The following MYB variants were observed in gnomAD, a reference collection of about 807,000 sequenced individuals.
The protein encoded by MYB is MYB proto-oncogene, transcription factor.
A neutral mutation model predicts 92.9 loss-of-function variants in MYB; 28 were observed. That is an observed-to-expected ratio of 0.30 (90% CI 0.22 to 0.41). The LOEUF is 0.41. MYB is among the 10% of genes least tolerant of loss of function. MYB has a pLI of 1.00. For missense variants in MYB, 679 were observed against 929.3 expected (o/e 0.73, Z 3.50); for synonymous variants, 295 against 329.1 (o/e 0.90, Z 1.12).
chr6:135,196,019 AG>A lies in MYB; in HGVS notation c.1203+20del. 1 of 1,607,600 alleles carries A rather than the reference AG, an allele frequency of 6.2e-7. No homozygotes were observed. Among genetic ancestry groups the A allele is most frequent in the Non-Finnish European group, 8.5e-7 (1 of 1,174,892 alleles). On this transcript the variant is annotated intron_variant, in intron 9 of 15. Transcript: ENST00000341911. ...ATAGATTCTGTAAGTAGAATTGTGA[AG>A]GGAAGTTAACGATTCTGGAAGATAA...
rs1344630326 is a variant in MYB at position 135,219,155 on chromosome 6, G to A, written c.*1175G>A. Reference sequence around the variant, plus strand: ...TACTGCCTTGTAGCAAAATAAAGATGTGCCCTTATTTTACCTACTTTTGTT... The same window carrying A: ...TACTGCCTTGTAGCAAAATAAAGATATGCCCTTATTTTACCTACTTTTGTT... On this transcript the variant is annotated 3_prime_UTR_variant, in exon 16 of 16. Transcript: ENST00000341911. The A allele has an allele frequency of 1.9e-5, 4 of 213,834 alleles. No individual in the cohort carries two copies. The highest frequency in any genetic ancestry group is 3.8e-5 in the Non-Finnish European group (4 of 105,392). The allele number at this position is 213,834 out of a possible 1,614,324, so 13.2% of individuals were successfully genotyped here.
chr6:135,192,695 T>C, intron 6 of MYB, 137 bp downstream of exon 6: 1 of 764,656 alleles, frequency 1.3e-6, no homozygotes, highest in Non-Finnish European at 2.2e-6. Flanking sequence ...CTATGCCCTT[T>C]GAAGTAGATA....
Position 135,196,961 on chromosome 6 carries a change from G to T in MYB, c.1204G>T (p.Asp402Tyr), listed in dbSNP as rs755466943. 2 of 1,611,008 alleles carry T rather than the reference G, an allele frequency of 1.2e-6. No individual in the cohort carries two copies. The highest frequency in any genetic ancestry group is 2.2e-5 in the South Asian group (2 of 90,722). Residue 402 changes from aspartate (D) to tyrosine (Y), a missense_variant and splice_region_variant, in exon 10 of 16, where the codon GAT (aspartate) becomes TAT (tyrosine). Physicochemically the swap from Asp to Tyr is radical, Grantham distance 160. Coordinates refer to ENST00000341911, the MANE Select transcript of MYB (RefSeq NM_001130173.2). ...TTCTGTGCCTCCCACATTGTTTCAG[G>T]ATTCTTCATCATGGTGTGATCTCAG... Reference protein sequence around the residue: ...FAETLQFIDSDSSSWCDLSSF... With the variant: ...FAETLQFIDSYSSSWCDLSSF...
Position 135,197,254 on chromosome 6 carries a change from A to G in MYB, c.1497A>G (p.Ile499Met), listed in dbSNP as rs1777456729. 6 of 1,613,824 alleles carry G rather than the reference A, an allele frequency of 3.7e-6. No homozygotes were observed. Among genetic ancestry groups the G allele is most frequent in the Non-Finnish European group, 4.2e-6 (5 of 1,179,842 alleles). The change falls in exon 10 of 16, where the codon ATA becomes ATG. Residue 499 changes from isoleucine to methionine, a missense_variant. Physicochemically the swap from Ile to Met is conservative, Grantham distance 10 (BLOSUM62 1). This residue lies in a region of MYB where 402 missense variants were observed against 434.2 expected (regional missense o/e 0.93). Coordinates refer to ENST00000341911, the MANE Select transcript of MYB (RefSeq NM_001130173.2). Reference sequence around the variant, plus strand: ...CCACTGGAGACTGTAGCTCCTTCATATTTGCTGACGTCAGCAGTTCAACTC... The same window carrying G: ...CCACTGGAGACTGTAGCTCCTTCATGTTTGCTGACGTCAGCAGTTCAACTC... ...PLATGDCSSF[I>M]FADVSSSTPK...
At chr6:135,195,353 T>TCG in intron 8 of MYB, 2 of 139,842 alleles carry the variant, frequency 1.4e-5, no homozygotes, top group South Asian at 1.3e-4. Context: ...AACTCCTGAG[T>TCG]CCTCTAGCTT....
At chr6:135,183,706 C>T (rs1474805318) in intron 1 of MYB, among the ~76,000 whole-genome samples, 1 of 152,240 alleles carries the variant, frequency 6.6e-6, no homozygotes, top group Non-Finnish European at 1.5e-5. Flanking sequence ...TGAGCAGCCC[C>T]GGACTCGCCC....
At chr6:135,198,691 G>T (rs916226708) in intron 10 of MYB, among the ~76,000 whole-genome samples, 3 of 152,164 alleles carry the variant, frequency 2.0e-5, no homozygotes, top group African/African-American at 7.2e-5. Context: ...TTTCAGCAAT[G>T]ACCCTAAATT....
intron 15 of MYB, chr6:135,203,734 CTG>C: frequency 7.3e-7 from 1 of 1,371,414 alleles, no homozygotes; most frequent in South Asian, 1.2e-5. Flanking sequence ...AGCTCAGAGA[CTG>C]TTCCAATTTT....
chr6:135,217,805 G>A, intron 15 of MYB, 59 bp from the exon 16 acceptor site: 2 of 1,199,108 alleles, frequency 1.7e-6, no homozygotes, highest in Non-Finnish European at 2.5e-6. Context: ...TGGCCCTGCT[G>A]GGTCTATAGA....
chr6:135,201,369 ATTC>A (rs1175737867), intron 13 of MYB, among the ~76,000 whole-genome samples: 2 of 152,224 alleles, frequency 1.3e-5, no homozygotes, highest in Non-Finnish European at 2.9e-5. Flanking sequence ...ATTAAAATAT[ATTC>A]TTAATAGAAT....
rs1404040474 is a variant in MYB at position 135,197,290 on chromosome 6, C to T, written c.1533C>T (p.Ser511=). ...ADVSSSTPKR[S]PVKSLPFSPS... ...TCAGCAGTTCAACTCCCAAGCGTTCCCCTGTCAAAAGCCTACCCTTCTCTC... is the reference window on the plus strand; with the variant it reads ...TCAGCAGTTCAACTCCCAAGCGTTCTCCTGTCAAAAGCCTACCCTTCTCTC... The change falls in exon 10 of 16, where the codon TCC becomes TCT. Residue 511 remains serine, a synonymous_variant. Transcript: ENST00000341911. 19 of 1,613,368 alleles carry T rather than the reference C, an allele frequency of 1.2e-5. No individual in the cohort carries two copies. Among genetic ancestry groups the T allele is most frequent in the Non-Finnish European group, 1.5e-5 (18 of 1,179,624 alleles).
chr6:135,217,995 A>G lies in MYB; in HGVS notation c.*15A>G, dbSNP rs1399422192. On this transcript the variant is annotated 3_prime_UTR_variant, in exon 16 of 16. Transcript: ENST00000341911. ...TGGTCATGTGAGACATTTCCAGAAA[A>G]GCATTATGGTTTTCAGAACACTTCA... 4 of 1,560,526 alleles carry G rather than the reference A, an allele frequency of 2.6e-6. No homozygotes were observed. The highest frequency in any genetic ancestry group is 3.5e-6 in the Non-Finnish European group (4 of 1,131,152).
chr6:135,197,387 A>G, intron 10 of MYB, 64 bp downstream of exon 10: 3 of 1,324,498 alleles, frequency 2.3e-6, no homozygotes, highest in Non-Finnish European at 3.1e-6. Flanking sequence ...TTAATAATCT[A>G]GAAACTAATA....
chr6:135,206,845 C>A lies in MYB; in HGVS notation c.2169+3521C>A, dbSNP rs1344286758. ...AATGTTATACACCAAGTATCTCCTTCATTTTATGTCATGGAGTTCTAGCTT... is the reference window on the plus strand; with the variant it reads ...AATGTTATACACCAAGTATCTCCTTAATTTTATGTCATGGAGTTCTAGCTT... On this transcript the variant is annotated intron_variant, in intron 15 of 15. Coordinates refer to ENST00000341911, the MANE Select transcript of MYB (RefSeq NM_001130173.2). Among the ~76,000 whole-genome samples the A allele has an allele frequency of 2.0e-5, 3 of 152,298 alleles. No individual in the cohort carries two copies. In the East Asian group the frequency reaches 5.8e-4, roughly 29 times the overall value.
chr6:135,199,944 C>A, intron 11 of MYB, 141 bp from the exon 12 acceptor site: 1 of 655,584 alleles, frequency 1.5e-6, no homozygotes, highest in African/African-American at 1.8e-5. Flanking sequence ...TAACGAATAA[C>A]GTGATTAATC....
chr6:135,200,788 A>G, intron 13 of MYB: 1 of 282,816 alleles, frequency 3.5e-6, no homozygotes, highest in South Asian at 3.4e-5. Flanking sequence ...ATTGTATTAA[A>G]AAAAGGGAGG....
chr6:135,208,839 T>G (rs1336262775), intron 15 of MYB, among the ~76,000 whole-genome samples: 1 of 152,198 alleles, frequency 6.6e-6, no homozygotes, highest in Non-Finnish European at 1.5e-5. Context: ...ATATTTAAAT[T>G]TTCCCATTAA....
At position 135,217,155 on chromosome 6, in the gene MYB, G is replaced by T. The variant is rs541478586; in HGVS notation, c.2170-709G>T. Reference sequence around the variant, plus strand: ...AGGCCAAGACCGGCAGATCACTTGAGTCCAGGAGTTCAAGACCAACCTGGG... The same window carrying T: ...AGGCCAAGACCGGCAGATCACTTGATTCCAGGAGTTCAAGACCAACCTGGG... On this transcript the variant is annotated intron_variant, in intron 15 of 15. Transcript: ENST00000341911. Among the ~76,000 whole-genome samples the T allele has an allele frequency of 2.7e-3, 405 of 152,274 alleles. 4 individuals are homozygous for T. Among genetic ancestry groups the T allele is most frequent in the Non-Finnish European group, 4.7e-3 (323 of 68,022 alleles).
At chr6:135,206,964 A>T (rs1302321943) in intron 15 of MYB, among the ~76,000 whole-genome samples, 1 of 152,242 alleles carries the variant, frequency 6.6e-6, no homozygotes, top group Non-Finnish European at 1.5e-5. Context: ...ATTTAAACAT[A>T]CATCACCTAT....
Sources: allele counts gnomAD v4.1 joint callset (sites outside exome capture counted in the v4.1 genomes callset), GRCh38; gene constraint gnomAD v4.1.1; regional missense constraint gnomAD v4.1.1; transcripts MANE v1.5; gene names NCBI Gene and HGNC (gene_info 2026-07-23, HGNC 2026-07-21).